Variants in PLOD2 observed in about 807,000 individuals in gnomAD.
PLOD2 encodes lysine hydroxylase 2.
PLOD2 carries 65 observed loss-of-function variants against 101.0 expected under a neutral mutation model. The ratio of observed to expected loss-of-function variants is 0.64; its 90% CI spans 0.53 to 0.79. The LOEUF (loss-of-function observed/expected upper bound fraction) is 0.79. PLOD2 is among the 30% of genes least tolerant of loss of function. The pLI, the probability that PLOD2 is intolerant of heterozygous loss-of-function variation, is 0.00. For missense variants in PLOD2, 909 were observed against 914.6 expected (o/e 0.99, Z 0.08); for synonymous variants, 314 against 302.9 (o/e 1.04, Z -0.38).
chr3:146,126,396 T>A (rs2030559049), intron 1 of PLOD2, among the ~76,000 whole-genome samples: 1 of 152,182 alleles, frequency 6.6e-6, no homozygotes, highest in Non-Finnish European at 1.5e-5. Context: ...TGCTTTTTTT[T>A]AACCAATTCA....
chr3:146,156,655 G>A (rs1172821543), intron 1 of PLOD2, among the ~76,000 whole-genome samples: 2 of 152,220 alleles, frequency 1.3e-5, no homozygotes, highest in East Asian at 1.9e-4. Flanking sequence ...TTCAGCCTGT[G>A]CCTACTCCTT....
chr3:146,119,321 G>T (rs1176155072), intron 3 of PLOD2, among the ~76,000 whole-genome samples: 2 of 152,078 alleles, frequency 1.3e-5, no homozygotes, highest in African/African-American at 4.8e-5. Flanking sequence ...TTCCTGTACA[G>T]CCTGTGAAAT....
At chr3:146,104,221 G>A (rs193236463) in intron 6 of PLOD2, 58 bp downstream of exon 6, 4 of 958,266 alleles carry the variant, frequency 4.2e-6, no homozygotes, top group Non-Finnish European at 6.9e-6. Context: ...AGGAAAGATA[G>A]TTGAAAACAC....
chr3:146,093,921 CTAAGA>C (rs1484013505), intron 7 of PLOD2, among the ~76,000 whole-genome samples: 2 of 152,138 alleles, frequency 1.3e-5, no homozygotes, highest in African/African-American at 4.8e-5. Context: ...TCCTAGATAA[CTAAGA>C]TATTTTAGAA....
chr3:146,086,919 T>G lies in PLOD2; in HGVS notation c.1006-11A>C. The G allele has an allele frequency of 2.7e-6, 4 of 1,460,650 alleles. No homozygotes were observed. The highest frequency in any genetic ancestry group is 3.8e-6 in the Non-Finnish European group (4 of 1,056,050). The allele number at this position is 1,460,650 out of a possible 1,614,324, so 90.5% of individuals were successfully genotyped here. On this transcript the variant is annotated splice_polypyrimidine_tract_variant and intron_variant, in intron 9 of 19. Transcript: ENST00000282903. ...TTCATGATAAACTTCCTGTAACATA[T>G]TTTAAAAATCAAAAATTAGAGAATA...
intron 16 of PLOD2, among the ~76,000 whole-genome samples, chr3:146,073,032 T>A (rs190290184): frequency 9.4e-4 from 143 of 151,776 alleles, no homozygotes; most frequent in African/African-American, 3.3e-3. Flanking sequence ...AGTTTCTATT[T>A]TTAGTGGTTT....
chr3:146,157,094 C>A lies in PLOD2; in HGVS notation c.109+3787G>T, dbSNP rs542784303. ...TGTTAAATCATGTAGCATATGGGTT[C>A]CCAAGCAGAGAAAGGAAGCTCAGTG... is the stretch of plus-strand genomic sequence containing the variant. On this transcript the variant is annotated intron_variant, in intron 1 of 19. Transcript: ENST00000282903. Among the ~76,000 whole-genome samples, 45 of 152,184 alleles carry A rather than the reference C, an allele frequency of 3.0e-4. No individual in the cohort carries two copies. The South Asian group carries it at 9.1e-3, about 31-fold the overall frequency.
chr3:146,147,198 A>C (rs2031821747), intron 1 of PLOD2, among the ~76,000 whole-genome samples: 1 of 152,232 alleles, frequency 6.6e-6, no homozygotes, highest in South Asian at 2.1e-4. Flanking sequence ...TTGAAGGAAC[A>C]ATAAAAATCT....
chr3:146,103,857 ACACACACACACT>A (rs940457090), intron 6 of PLOD2, among the ~76,000 whole-genome samples: 2 of 149,114 alleles, frequency 1.3e-5, no homozygotes, highest in African/African-American at 5.1e-5. Flanking sequence ...ACACACACAC[ACACACACACACT>A]CTTCCCCAGT....
intron 1 of PLOD2, among the ~76,000 whole-genome samples, chr3:146,124,998 GATA>G (rs1291388505): frequency 6.6e-6 from 1 of 152,062 alleles, no homozygotes; most frequent in Non-Finnish European, 1.5e-5. Context: ...AGCTACTACA[GATA>G]ATGATTATTT....
intron 7 of PLOD2, among the ~76,000 whole-genome samples, chr3:146,093,572 T>G (rs1559844113): frequency 1.3e-5 from 2 of 152,206 alleles, no homozygotes; most frequent in Admixed American, 6.5e-5. Flanking sequence ...TATTTAGCAT[T>G]ATTTCTTAAA....
chr3:146,127,978 T>C (rs191211047), intron 1 of PLOD2, among the ~76,000 whole-genome samples: 95 of 152,270 alleles, frequency 6.2e-4, no homozygotes, highest in African/African-American at 2.2e-3. Context: ...ACTAAAAATA[T>C]AGAATTCCTA....
At position 146,079,272 on chromosome 3, in the gene PLOD2, A is replaced by C; in HGVS notation, c.1359-15T>G. ...TCCATACTCCTCTGAAAGTAAAGAGAAGACATTCTTATATACCACAAATAC... is the reference window on the plus strand; with the variant it reads ...TCCATACTCCTCTGAAAGTAAAGAGCAGACATTCTTATATACCACAAATAC... On this transcript the variant is annotated splice_polypyrimidine_tract_variant and intron_variant, in intron 12 of 19. Transcript: ENST00000282903. 1 of 1,591,642 alleles carries C rather than the reference A, an allele frequency of 6.3e-7. No individual in the cohort carries two copies. Among genetic ancestry groups the C allele is most frequent in the Non-Finnish European group, 8.6e-7 (1 of 1,160,686 alleles).
At chr3:146,160,144 T>C (rs1309183372) in intron 1 of PLOD2, among the ~76,000 whole-genome samples, 1 of 152,226 alleles carries the variant, frequency 6.6e-6, no homozygotes, top group Admixed American at 6.5e-5. Flanking sequence ...GGATTTTTCA[T>C]GTGCCACAAA....
intron 9 of PLOD2, among the ~76,000 whole-genome samples, chr3:146,088,070 T>C (rs916292581): frequency 6.6e-6 from 1 of 151,714 alleles, no homozygotes; most frequent in African/African-American, 2.4e-5. Context: ...TTTTCAAGTT[T>C]GGATAATATG....
At chr3:146,149,285 G>C (rs1032128044) in intron 1 of PLOD2, among the ~76,000 whole-genome samples, 5 of 152,204 alleles carry the variant, frequency 3.3e-5, no homozygotes, top group African/African-American at 1.2e-4. Context: ...ATTTAAGTGT[G>C]GGATATTCTG....
intron 1 of PLOD2, among the ~76,000 whole-genome samples, chr3:146,137,697 G>C (rs1256031068): frequency 1.3e-5 from 2 of 152,154 alleles, no homozygotes; most frequent in African/African-American, 4.8e-5. Context: ...CACACCCCAA[G>C]AGTTTCTGAT....
At position 146,102,864 on chromosome 3, in the gene PLOD2, A is replaced by T; in HGVS notation, c.680-12T>A. On this transcript the variant is annotated splice_polypyrimidine_tract_variant and intron_variant, in intron 6 of 19. Transcript: ENST00000282903. Reference sequence around the variant, plus strand: ...TAAAACAACTTCATCTGGGTTAAAAAGAGAAAATAGGCTTTAGTAATTTAA... The same window carrying T: ...TAAAACAACTTCATCTGGGTTAAAATGAGAAAATAGGCTTTAGTAATTTAA... 1 of 1,353,780 alleles carries T rather than the reference A, an allele frequency of 7.4e-7. No individual in the cohort carries two copies. Among genetic ancestry groups the T allele is most frequent in the Non-Finnish European group, 1.1e-6 (1 of 942,824 alleles). 83.9% of individuals were successfully genotyped at this position (1,353,780 alleles called of 1,614,324 possible).
rs199864373 is a variant in PLOD2 at position 146,150,337 on chromosome 3, T to C, written c.109+10544A>G. Among the ~76,000 whole-genome samples, 4 of 151,872 alleles carry C rather than the reference T, an allele frequency of 2.6e-5. No individual in the cohort carries two copies. In the East Asian group the frequency reaches 7.7e-4, roughly 29 times the overall value. ...ATTTATGTAACAAGTTAGAAAAGGGTCCCCAATTTTTAAGTAGCACATACC... is the reference window on the plus strand; with the variant it reads ...ATTTATGTAACAAGTTAGAAAAGGGCCCCCAATTTTTAAGTAGCACATACC... On this transcript the variant is annotated intron_variant, in intron 1 of 19. Coordinates refer to ENST00000282903, the MANE Select transcript of PLOD2 (RefSeq NM_182943.3).
Sources: allele counts gnomAD v4.1 joint callset (sites outside exome capture counted in the v4.1 genomes callset), GRCh38; gene constraint gnomAD v4.1.1; transcripts MANE v1.5; gene names NCBI Gene and HGNC (gene_info 2026-07-23, HGNC 2026-07-21).